The following TWSG1 variants were observed in gnomAD, a reference collection of about 807,000 sequenced individuals.
TWSG1 encodes the protein twisted gastrulation protein homolog 1.
In TWSG1, 15 loss-of-function variants were observed where a neutral mutation model predicts 23.0. The ratio of observed to expected loss-of-function variants is 0.65; its 90% CI spans 0.44 to 1.00. The LOEUF is 1.00. Among genes scored for constraint, TWSG1 ranks in the 50% least tolerant of loss-of-function variants. TWSG1 has a pLI of 0.00. For synonymous variants in TWSG1, 86 were observed against 92.8 expected (o/e 0.93, Z 0.42); for missense variants, 242 against 278.7 (o/e 0.87, Z 0.94).
At chr18:9,353,103 G>A (rs759747657) in intron 2 of TWSG1, among the ~76,000 whole-genome samples, 2 of 152,134 alleles carry the variant, frequency 1.3e-5, no homozygotes, top group African/African-American at 2.4e-5. Flanking sequence ...TGCTGTACAG[G>A]TTTGTAGCCT....
At chr18:9,384,641 C>T (rs1222890095) in intron 3 of TWSG1, among the ~76,000 whole-genome samples, 1 of 150,002 alleles carries the variant, frequency 6.7e-6, no homozygotes, top group African/African-American at 2.5e-5. Flanking sequence ...TGCTTATGTG[C>T]TTTCCCTTTT....
At chr18:9,349,453 G>A (rs528503519) in intron 2 of TWSG1, among the ~76,000 whole-genome samples, 1 of 152,166 alleles carries the variant, frequency 6.6e-6, no homozygotes, top group East Asian at 1.9e-4. Flanking sequence ...TCTTTTATGT[G>A]CTAAATTGAC....
chr18:9,337,395 G>C, intron 2 of TWSG1, 43 bp downstream of exon 2: 1 of 1,597,126 alleles, frequency 6.3e-7, no homozygotes, highest in Non-Finnish European at 8.5e-7. Context: ...ATATATTGTA[G>C]AGCAGAAACA....
At chr18:9,347,989 T>C (rs1382405215) in intron 2 of TWSG1, among the ~76,000 whole-genome samples, 1 of 152,220 alleles carries the variant, frequency 6.6e-6, no homozygotes, top group Non-Finnish European at 1.5e-5. Context: ...TCAGGATTTC[T>C]TCAAATGTAT....
intron 3 of TWSG1, among the ~76,000 whole-genome samples, chr18:9,377,343 G>A (rs553455087): frequency 2.7e-4 from 41 of 151,602 alleles, no homozygotes; most frequent in African/African-American, 8.2e-4. Context: ...CTCAGCCTCC[G>A]GAGTAGCTGG....
At chr18:9,388,855 G>C (rs1353560449) in intron 3 of TWSG1, among the ~76,000 whole-genome samples, 1 of 151,694 alleles carries the variant, frequency 6.6e-6, no homozygotes. Context: ...ATGCCTGGCT[G>C]AAATTTCTTT....
intron 2 of TWSG1, among the ~76,000 whole-genome samples, chr18:9,344,491 A>ATGTGTGTGTGTGTGTGTG (rs57863617): frequency 1.2e-4 from 17 of 136,816 alleles, no homozygotes; most frequent in African/African-American, 4.8e-4. Flanking sequence ...TAGTGAATGC[A>ATGTGTGTGTGTGTGTGTG]TGTGTGTGTG....
chr18:9,387,265 G>C (rs1390494168), intron 3 of TWSG1, among the ~76,000 whole-genome samples: 1 of 152,086 alleles, frequency 6.6e-6, no homozygotes, highest in African/African-American at 2.4e-5. Context: ...GCATAGAAAT[G>C]CCAAGAAAAA....
intron 3 of TWSG1, among the ~76,000 whole-genome samples, chr18:9,392,900 C>T (rs767471275): frequency 6.6e-6 from 1 of 152,270 alleles, no homozygotes; most frequent in Non-Finnish European, 1.5e-5. Flanking sequence ...GGGAGAGATA[C>T]AGGAGAATGA....
intron 3 of TWSG1, among the ~76,000 whole-genome samples, chr18:9,360,879 A>G (rs770555641): frequency 6.6e-6 from 1 of 152,194 alleles, no homozygotes; most frequent in South Asian, 2.1e-4. Context: ...CACTGCTTCC[A>G]TAATTCTGAA....
chr18:9,349,480 C>A (rs1204092322), intron 2 of TWSG1, among the ~76,000 whole-genome samples: 1 of 151,958 alleles, frequency 6.6e-6, no homozygotes, highest in East Asian at 1.9e-4. Context: ...CTTTTTTATT[C>A]TAAAAATTGA....
chr18:9,390,382 C>T (rs1299826404), intron 3 of TWSG1, among the ~76,000 whole-genome samples: 5 of 152,114 alleles, frequency 3.3e-5, no homozygotes, highest in African/African-American at 4.8e-5. Context: ...AGGATGGTCT[C>T]GATCTCCTGA....
At chr18:9,386,038 G>A (rs2040681884) in intron 3 of TWSG1, among the ~76,000 whole-genome samples, 2 of 151,872 alleles carry the variant, frequency 1.3e-5, no homozygotes, top group African/African-American at 2.4e-5. Flanking sequence ...GCGTGGTGGC[G>A]CATGCCTGTA....
At chr18:9,335,547 G>C (rs189139762) in intron 1 of TWSG1, among the ~76,000 whole-genome samples, 116 of 152,218 alleles carry the variant, frequency 7.6e-4, no homozygotes, top group Non-Finnish European at 1.5e-3. Context: ...GGAAATCCCA[G>C]TTTTCATGGT....
intron 2 of TWSG1, among the ~76,000 whole-genome samples, chr18:9,347,703 G>A (rs1442155803): frequency 3.3e-5 from 5 of 151,804 alleles, no homozygotes; most frequent in Non-Finnish European, 5.9e-5. Flanking sequence ...TATATTCTGG[G>A]AAATTTCCTG....
chr18:9,399,552 A>G lies in TWSG1; in HGVS notation c.*25A>G. ...AAGAAGACAAATGCAAACCAAAGCA[A>G]CTTAGTAAAATAATAGGTATAAAAA... On this transcript the variant is annotated 3_prime_UTR_variant, in exon 5 of 5. Transcript: ENST00000262120. 1 of 1,576,090 alleles carries G rather than the reference A, an allele frequency of 6.3e-7. No homozygotes were observed. Among genetic ancestry groups the G allele is most frequent in the Non-Finnish European group, 8.6e-7 (1 of 1,163,654 alleles).
intron 2 of TWSG1, among the ~76,000 whole-genome samples, chr18:9,354,292 C>T (rs918176511): frequency 1.3e-5 from 2 of 152,040 alleles, no homozygotes; most frequent in Non-Finnish European, 2.9e-5. Context: ...AGCACAGTGC[C>T]TATAAGGGTT....
intron 2 of TWSG1, among the ~76,000 whole-genome samples, chr18:9,358,495 G>T (rs2040537309): frequency 6.6e-6 from 1 of 152,098 alleles, no homozygotes; most frequent in Admixed American, 6.6e-5. Flanking sequence ...GGAATCAAAG[G>T]CAGGTAGCAG....
intron 3 of TWSG1, among the ~76,000 whole-genome samples, chr18:9,371,848 T>C (rs2040606968): frequency 6.7e-6 from 1 of 148,686 alleles, no homozygotes; most frequent in South Asian, 2.1e-4. Context: ...CTCGGCTCAC[T>C]GCAACCTCCG....
Sources: allele counts gnomAD v4.1 joint callset (sites outside exome capture counted in the v4.1 genomes callset), GRCh38; gene constraint gnomAD v4.1.1; transcripts MANE v1.5; gene names NCBI Gene and HGNC (gene_info 2026-07-23, HGNC 2026-07-21).